SOCS5: variants seen among roughly 807,000 people sequenced by gnomAD.
SOCS5 encodes CIS-6.
Under a neutral mutation model 42.8 loss-of-function variants are expected in SOCS5, and 32 were observed. That is an observed-to-expected ratio of 0.75 (90% CI 0.56 to 1.01). The LOEUF is 1.01. SOCS5 is among the 50% of genes least tolerant of loss of function. The pLI is 0.00. For missense variants in SOCS5, 627 were observed against 653.0 expected, an observed-to-expected ratio of 0.96 and a Z score of 0.43; for synonymous variants, 283 against 229.6, an observed-to-expected ratio of 1.23 and a Z score of -2.10.
intron 1 of SOCS5, among the ~76,000 whole-genome samples, chr2:46,715,066 G>T (rs910506813): frequency 6.6e-6 from 1 of 151,830 alleles, no homozygotes; most frequent in African/African-American, 2.4e-5. Flanking sequence ...TTTCTGCTTT[G>T]TCAGGCAGTT....
At chr2:46,718,762 T>A (rs1672810476) in intron 1 of SOCS5, among the ~76,000 whole-genome samples, 1 of 152,168 alleles carries the variant, frequency 6.6e-6, no homozygotes, top group Non-Finnish European at 1.5e-5. Context: ...CCGAAGAGCT[T>A]AGAGTTATGA....
intron 1 of SOCS5, among the ~76,000 whole-genome samples, chr2:46,747,506 A>G (rs570815228): frequency 4.3e-4 from 65 of 152,268 alleles, no homozygotes; most frequent in Non-Finnish European, 8.1e-4. Flanking sequence ...ATGAGCCACT[A>G]TGCCCGGCTA....
At chr2:46,716,928 A>G (rs6749450) in intron 1 of SOCS5, among the ~76,000 whole-genome samples, 9,314 of 152,064 alleles carry the variant, frequency 0.061, 305 homozygotes, top group Middle Eastern at 0.13. Context: ...TGTCTCCTTT[A>G]ATTTCCCCAT....
At chr2:46,714,446 A>G (rs533549788) in intron 1 of SOCS5, among the ~76,000 whole-genome samples, 4 of 152,172 alleles carry the variant, frequency 2.6e-5, no homozygotes, top group Non-Finnish European at 5.9e-5. Flanking sequence ...GTCTGATACA[A>G]ACTTTTCTTT....
intron 1 of SOCS5, among the ~76,000 whole-genome samples, chr2:46,707,728 T>C (rs1291676868): frequency 1.3e-5 from 2 of 152,210 alleles, no homozygotes; most frequent in African/African-American, 4.8e-5. Context: ...GGAGAAAAGA[T>C]TGGAGACATT....
intron 1 of SOCS5, among the ~76,000 whole-genome samples, chr2:46,731,466 C>T (rs1245458845): frequency 6.6e-6 from 1 of 152,174 alleles, no homozygotes; most frequent in African/African-American, 2.4e-5. Context: ...TTCGTTATGA[C>T]AGCCAGAAAA....
rs1361799496 is a variant in SOCS5 at position 46,760,712 on chromosome 2, T to C, written c.*571T>C. Reference sequence around the variant, plus strand: ...GTTTATAATCAGACGCCTTTTCTCTTCTGCAAAAGGTACTGTTAAGTAAAC... The same window carrying C: ...GTTTATAATCAGACGCCTTTTCTCTCCTGCAAAAGGTACTGTTAAGTAAAC... On this transcript the variant is annotated 3_prime_UTR_variant, in exon 2 of 2. Transcript: ENST00000394861. 6.0e-6 allele frequency: 1 copy of C among 167,132 alleles called. No individual in the cohort carries two copies. Among genetic ancestry groups the C allele is most frequent in the Non-Finnish European group, 1.5e-5 (1 of 68,156 alleles). The allele number at this position is 167,132 out of a possible 1,614,324, so 10.4% of individuals were successfully genotyped here. A position where few individuals can be genotyped will look rare whatever the true frequency, so the allele number is the denominator to read the frequency against.
At chr2:46,723,928 T>C (rs1672938871) in intron 1 of SOCS5, among the ~76,000 whole-genome samples, 1 of 152,054 alleles carries the variant, frequency 6.6e-6, no homozygotes, top group South Asian at 2.1e-4. Flanking sequence ...ATTTACATCT[T>C]TTCTTATTTC....
rs185382331 is a variant in SOCS5, at chr2:46,710,972, C to T, written c.-13+11523C>T. Reference sequence around the variant, plus strand: ...TCTTTTGAGTCTGGCTTCTTTTTATCAGCATGTTTTTGAGGTTCATCCATG... The same window carrying T: ...TCTTTTGAGTCTGGCTTCTTTTTATTAGCATGTTTTTGAGGTTCATCCATG... On this transcript the variant is annotated intron_variant, in intron 1 of 1. Transcript: ENST00000394861. Among the ~76,000 whole-genome samples, 25 of 152,246 alleles carry T rather than the reference C, an allele frequency of 1.6e-4. No individual in the cohort carries two copies. In the East Asian group the frequency reaches 4.4e-3, roughly 27 times the overall value.
At chr2:46,740,552 G>A (rs964742957) in intron 1 of SOCS5, among the ~76,000 whole-genome samples, 12 of 152,196 alleles carry the variant, frequency 7.9e-5, no homozygotes, top group African/African-American at 2.9e-4. Flanking sequence ...GGAGGGGCCT[G>A]TGATAGATCA....
rs3738890 is a variant in SOCS5, at chr2:46,699,580, G to C, written c.-13+131G>C. The C allele has an allele frequency of 0.7, 106,390 of 151,744 alleles. 38,374 individuals carry two copies. The highest frequency in any genetic ancestry group is 0.86 in the African/African-American group (35,506 of 41,448). The allele number at this position is 151,744 out of a possible 1,614,324, so 9.4% of individuals were successfully genotyped here. A position where few individuals can be genotyped will look rare whatever the true frequency, so the allele number is the denominator to read the frequency against. The stretch of plus-strand genomic sequence containing the variant: ...CGCCCCCGGCTGTCGCCCCCGCACC[G>C]CGGCGGAGGCAGCGCCGGCCTCTGG... On this transcript the variant is annotated intron_variant, in intron 1 of 1. Transcript: ENST00000394861. This position sits in a 1 kb window ranked among gnomAD's most constrained non-coding sequence, Gnocchi z 4.8.
chr2:46,738,945 T>C (rs1673311331), intron 1 of SOCS5, among the ~76,000 whole-genome samples: 1 of 152,180 alleles, frequency 6.6e-6, no homozygotes, highest in African/African-American at 2.4e-5. Flanking sequence ...TTAAGGAACA[T>C]CTTGGAATAA....
At chr2:46,717,563 G>A (rs140879844) in intron 1 of SOCS5, among the ~76,000 whole-genome samples, 19 of 151,842 alleles carry the variant, frequency 1.3e-4, no homozygotes, top group South Asian at 2.1e-4. Flanking sequence ...TCATCATTTC[G>A]TAATCTTCCG....
intron 1 of SOCS5, among the ~76,000 whole-genome samples, chr2:46,750,923 A>T (rs555151473): frequency 2.0e-5 from 3 of 152,164 alleles, no homozygotes; most frequent in Non-Finnish European, 4.4e-5. Context: ...TATGTTCTCC[A>T]ATAATTCAAA....
chr2:46,726,343 G>A (rs113371671), intron 1 of SOCS5, among the ~76,000 whole-genome samples: 5 of 151,968 alleles, frequency 3.3e-5, no homozygotes, highest in South Asian at 2.1e-4. Context: ...TGATCCACCC[G>A]CCTCGACCTC....
intron 1 of SOCS5, among the ~76,000 whole-genome samples, chr2:46,739,645 C>T (rs1200870185): frequency 6.6e-6 from 1 of 152,160 alleles, no homozygotes; most frequent in African/African-American, 2.4e-5. Flanking sequence ...TCTGTCCCCA[C>T]CCCATCGCAT....
intron 1 of SOCS5, among the ~76,000 whole-genome samples, chr2:46,707,693 G>A (rs41370847): frequency 0.019 from 2,875 of 152,268 alleles, 75 homozygotes; most frequent in African/African-American, 0.061. Flanking sequence ...ATTGATCATA[G>A]CAGTCATAAA....
chr2:46,731,162 T>C (rs894489733), intron 1 of SOCS5, among the ~76,000 whole-genome samples: 3 of 152,216 alleles, frequency 2.0e-5, no homozygotes, highest in African/African-American at 7.2e-5. Context: ...AATTCATATG[T>C]TGAAACCTAA....
Position 46,759,305 on chromosome 2 carries a change from G to A in SOCS5, c.775G>A (p.Asp259Asn), listed in dbSNP as rs749060490. The A allele has an allele frequency of 1.9e-6, 3 of 1,613,998 alleles. No homozygotes were observed. Among genetic ancestry groups the A allele is most frequent in the South Asian group, 2.2e-5 (2 of 91,080 alleles). ...TGATCCATCTTTGGTTTCTACAGAA[G>A]ATGAAGAAGATAGGCTTAGAGAGAG... ...TFDPSLVSTE[D>N]EEDRLRERRR... Residue 259 changes from aspartate (D) to asparagine (N), a missense_variant, in exon 2 of 2, where the codon GAT (aspartate) becomes AAT (asparagine). Physicochemically the swap from Asp to Asn is conservative, Grantham distance 23. Around this residue, in one of 3 missense-constraint regions of SOCS5, gnomAD observed 340 missense variants for 367.6 expected, o/e 0.92. Coordinates refer to ENST00000394861, the MANE Select transcript of SOCS5 (RefSeq NM_144949.3).
Sources: allele counts gnomAD v4.1 joint callset (sites outside exome capture counted in the v4.1 genomes callset), GRCh38; gene constraint gnomAD v4.1.1; regional missense constraint gnomAD v4.1.1; non-coding constraint Gnocchi (gnomAD v3.1); transcripts MANE v1.5; gene names NCBI Gene and HGNC (gene_info 2026-07-23, HGNC 2026-07-21).